Variants in RYR2 observed in about 807,000 individuals in gnomAD.
The protein encoded by RYR2 is cardiac muscle ryanodine receptor-calcium release channel.
In RYR2, 227 loss-of-function variants were observed where a neutral mutation model predicts 601.1. The observed-to-expected ratio is 0.38, with a 90% CI of 0.34 to 0.42. RYR2 has a LOEUF of 0.42. RYR2 is among the 10% of genes least tolerant of loss of function. The probability of loss-of-function intolerance (pLI) is 1.00; values close to 1 mark genes in which losing one functional copy is unlikely to be tolerated. For missense variants in RYR2, 4,646 were observed against 6,156.5 expected, an observed-to-expected ratio of 0.75 and a Z score of 8.21; for synonymous variants, 2,223 against 2,175.1, an observed-to-expected ratio of 1.02 and a Z score of -0.61.
At chr1:237,550,772 GGA>G in intron 27 of RYR2, 81 bp downstream of exon 27, 1 of 1,413,736 alleles carries the variant, frequency 7.1e-7, no homozygotes, top group South Asian at 1.5e-5. Flanking sequence ...AATAAAAGGG[GGA>G]GTACTGGATA....
chr1:237,477,144 G>A (rs996158566), intron 17 of RYR2, among the ~76,000 whole-genome samples: 24 of 152,158 alleles, frequency 1.6e-4, no homozygotes, highest in African/African-American at 5.8e-4. Context: ...TGTAATCCCA[G>A]CACTTTGGGA....
At chr1:237,087,762 C>G (rs991206337) in intron 1 of RYR2, among the ~76,000 whole-genome samples, 1 of 152,162 alleles carries the variant, frequency 6.6e-6, no homozygotes, top group South Asian at 2.1e-4. Context: ...TACATTCCCC[C>G]CTCCACAGTG....
intron 8 of RYR2, among the ~76,000 whole-genome samples, chr1:237,383,251 A>G (rs1701683949): frequency 6.6e-6 from 1 of 151,986 alleles, no homozygotes; most frequent in East Asian, 1.9e-4. Context: ...TACTCCAGCT[A>G]AAGAACTCCT....
At chr1:237,801,722 C>G in intron 97 of RYR2, 134 bp from the exon 98 acceptor site, 1 of 507,714 alleles carries the variant, frequency 2.0e-6, no homozygotes, top group Non-Finnish European at 3.6e-6. Flanking sequence ...CCCTTGGCAT[C>G]TGGGATAGAA....
intron 75 of RYR2, 150 bp downstream of exon 75, chr1:237,726,458 C>T (rs1171683277): frequency 1.4e-5 from 9 of 630,786 alleles, no homozygotes; most frequent in Non-Finnish European, 2.5e-5. Context: ...TCATTTATTG[C>T]AACTTTTGAA....
At chr1:237,108,444 T>C (rs542186723) in intron 1 of RYR2, among the ~76,000 whole-genome samples, 50 of 152,328 alleles carry the variant, frequency 3.3e-4, no homozygotes, top group Non-Finnish European at 6.8e-4. Context: ...ATTCCTGGAA[T>C]GAGGCTGATG....
At chr1:237,189,799 G>A (rs959557291) in intron 1 of RYR2, among the ~76,000 whole-genome samples, 13 of 152,050 alleles carry the variant, frequency 8.5e-5, no homozygotes, top group African/African-American at 1.4e-4. Flanking sequence ...CTAAGACAAC[G>A]TAAAAATGGG....
chr1:237,479,393 A>C (rs1572514303), intron 17 of RYR2, among the ~76,000 whole-genome samples: 1 of 152,082 alleles, frequency 6.6e-6, no homozygotes, highest in East Asian at 1.9e-4. Context: ...TATTCTATGC[A>C]CCTTTATTTG....
At chr1:237,437,851 A>G (rs1707554271) in intron 12 of RYR2, among the ~76,000 whole-genome samples, 1 of 152,226 alleles carries the variant, frequency 6.6e-6, no homozygotes, top group Non-Finnish European at 1.5e-5. Flanking sequence ...TTAAAAATTT[A>G]CAGGTTTTAA....
chr1:237,091,420 C>CT (rs1181425818), intron 1 of RYR2, among the ~76,000 whole-genome samples: 16 of 127,466 alleles, frequency 1.3e-4, no homozygotes, highest in African/African-American at 4.1e-4. Context: ...ACTTTTCTTT[C>CT]TTTTTTTTGG....
chr1:237,651,588 T>C, intron 51 of RYR2, 87 bp downstream of exon 51: 1 of 857,694 alleles, frequency 1.2e-6, no homozygotes, highest in Non-Finnish European at 1.9e-6. Context: ...CTTAGATACA[T>C]CATGCTTGAC....
chr1:237,373,581 C>A (rs1442962798), intron 6 of RYR2, among the ~76,000 whole-genome samples: 4 of 152,216 alleles, frequency 2.6e-5, no homozygotes, highest in Non-Finnish European at 5.9e-5. Context: ...TCTTACAACA[C>A]ATTCATCTTT....
At chr1:237,662,376 A>G (rs182376222) in intron 56 of RYR2, among the ~76,000 whole-genome samples, 30 of 152,242 alleles carry the variant, frequency 2.0e-4, no homozygotes, top group Non-Finnish European at 2.9e-4. Flanking sequence ...TTCTAATCCT[A>G]AAAGTCATAA....
At chr1:237,088,796 G>A (rs748288677) in intron 1 of RYR2, among the ~76,000 whole-genome samples, 19 of 152,062 alleles carry the variant, frequency 1.2e-4, no homozygotes, top group Non-Finnish European at 2.4e-4. Context: ...AGACAGTTTA[G>A]GTTAAGTTGT....
intron 58 of RYR2, among the ~76,000 whole-genome samples, chr1:237,668,198 A>T (rs1482305259): frequency 1.3e-5 from 2 of 152,158 alleles, no homozygotes; most frequent in Non-Finnish European, 2.9e-5. Context: ...AGACTTCTGT[A>T]CTTCTCATCC....
chr1:237,089,103 C>A (rs1173730846), intron 1 of RYR2, among the ~76,000 whole-genome samples: 1 of 152,190 alleles, frequency 6.6e-6, no homozygotes, highest in East Asian at 1.9e-4. Context: ...TGAGTCTCAC[C>A]TTTTAAAAAC....
chr1:237,321,866 A>C (rs1327195203), intron 2 of RYR2, among the ~76,000 whole-genome samples: 1 of 152,192 alleles, frequency 6.6e-6, no homozygotes, highest in Non-Finnish European at 1.5e-5. Flanking sequence ...GAGGCTTCTT[A>C]ATGTTAAGGA....
At chr1:237,788,297 T>G (rs188538665) in intron 92 of RYR2, among the ~76,000 whole-genome samples, 162 bp downstream of exon 92, 45 of 152,308 alleles carry the variant, frequency 3.0e-4, no homozygotes, top group African/African-American at 1.1e-3. Flanking sequence ...TCTTTTATAG[T>G]GAATGTCTCT....
chr1:237,371,092 A>G (rs776071041), intron 6 of RYR2, among the ~76,000 whole-genome samples: 15 of 152,112 alleles, frequency 9.9e-5, no homozygotes, highest in Middle Eastern at 3.4e-3. Flanking sequence ...AAAAAGTTTT[A>G]ATCTCTTCTG....
Sources: allele counts gnomAD v4.1 joint callset (sites outside exome capture counted in the v4.1 genomes callset), GRCh38; gene constraint gnomAD v4.1.1; transcripts MANE v1.5; gene names NCBI Gene and HGNC (gene_info 2026-07-23, HGNC 2026-07-21).